C8orf34: variants seen among roughly 807,000 people sequenced by gnomAD.
C8orf34 encodes chromosome 8 open reading frame 34, also known as uncharacterized protein C8orf34.
C8orf34 carries 65 observed loss-of-function variants against 68.3 expected under a neutral mutation model. The ratio of observed to expected loss-of-function variants is 0.95; its 90% confidence interval spans 0.78 to 1.17. The LOEUF (loss-of-function observed/expected upper bound fraction) is 1.17, where lower values mean the gene tolerates loss of function less well. Ranked by LOEUF, C8orf34 falls within the 50% of genes most tolerant of loss-of-function variation. C8orf34 has a pLI of 0.00. For missense variants in C8orf34, 664 were observed against 655.4 expected (o/e 1.01, Z -0.14); for synonymous variants, 244 against 241.2 (o/e 1.01, Z -0.11).
At chr8:68,648,159 C>G (rs540217594) in intron 8 of C8orf34, among the ~76,000 whole-genome samples, 41 of 152,136 alleles carry the variant, frequency 2.7e-4, no homozygotes, top group Non-Finnish European at 4.0e-4. Context: ...TAGAAGATTC[C>G]ACAAATACAG....
rs930151392 is a variant in C8orf34 at position 68,802,624 on chromosome 8, G to C, written c.1550-13262G>C. 2.0e-5 allele frequency among the ~76,000 whole-genome samples: 3 copies of C among 151,812 alleles called. No homozygotes were observed. In the East Asian group the frequency reaches 5.8e-4, roughly 30 times the overall value. Reference sequence around the variant, plus strand: ...CACCATCCTCTCACCTCAGCCTCCCGAGTAGCTGGGACTACAGGGGTATGC... The same window carrying C: ...CACCATCCTCTCACCTCAGCCTCCCCAGTAGCTGGGACTACAGGGGTATGC... On this transcript the variant is annotated intron_variant, in intron 12 of 13. Transcript: ENST00000518698.
rs1005093032 is a variant in C8orf34, at chr8:68,493,261, A to G, written c.765+5210A>G. On this transcript the variant is annotated intron_variant, in intron 5 of 13. Coordinates refer to ENST00000518698, the MANE Select transcript of C8orf34 (RefSeq NM_052958.4). ...AAGAAGTTAGTGTCCAGAATATATG[A>G]ATAACTCCTATAACTCAACAACAAA... 1.3e-4 allele frequency among the ~76,000 whole-genome samples: 19 copies of G among 151,322 alleles called. No homozygotes were observed. The East Asian group carries it at 3.7e-3, about 29-fold the overall frequency.
intron 5 of C8orf34, among the ~76,000 whole-genome samples, chr8:68,495,684 A>C (rs183077383): frequency 1.7e-3 from 259 of 152,364 alleles, no homozygotes; most frequent in Non-Finnish European, 3.3e-3. Flanking sequence ...AAGCACTTGG[A>C]GTTTTATAAA....
intron 10 of C8orf34, among the ~76,000 whole-genome samples, chr8:68,768,606 T>C (rs1407036976): frequency 6.6e-6 from 1 of 152,346 alleles, no homozygotes; most frequent in East Asian, 1.9e-4. Context: ...TCATTTGTTT[T>C]ATTCCATATT....
At position 68,801,752 on chromosome 8, in the gene C8orf34, A is replaced by G. The variant is rs1255411641; in HGVS notation, c.1550-14134A>G. On this transcript the variant is annotated intron_variant, in intron 12 of 13. Transcript: ENST00000518698. ...TTAGGTAATTCTCAGAATCTATCTA[A>G]TGGAAAGAGGAAATACGATGCTTTA... Among the ~76,000 whole-genome samples, 3 of 152,326 alleles carry G rather than the reference A, an allele frequency of 2.0e-5. No individual in the cohort carries two copies. The East Asian group carries it at 5.8e-4, about 29-fold the overall frequency.
chr8:68,735,139 A>G (rs1822087802), intron 10 of C8orf34, among the ~76,000 whole-genome samples: 2 of 152,202 alleles, frequency 1.3e-5, no homozygotes, highest in Non-Finnish European at 1.5e-5. Context: ...TCACATTCCA[A>G]AGCCCTGGTG....
intron 1 of C8orf34, among the ~76,000 whole-genome samples, chr8:68,408,857 C>T (rs183145505): frequency 1.3e-5 from 2 of 152,178 alleles, no homozygotes; most frequent in East Asian, 3.9e-4. Flanking sequence ...GGTGCAATCT[C>T]GGTTCACTGC....
At chr8:68,434,630 G>A (rs1032876303) in intron 1 of C8orf34, among the ~76,000 whole-genome samples, 1 of 152,098 alleles carries the variant, frequency 6.6e-6, no homozygotes, top group African/African-American at 2.4e-5. Context: ...TAAAATAAAA[G>A]TATTTGTTCC....
chr8:68,599,723 G>C (rs1323787068), intron 7 of C8orf34, among the ~76,000 whole-genome samples: 3 of 151,930 alleles, frequency 2.0e-5, no homozygotes, highest in African/African-American at 7.2e-5. Context: ...GCAAGGTTTT[G>C]GAGAAAACAA....
chr8:68,649,823 T>C (rs898167119), intron 8 of C8orf34, among the ~76,000 whole-genome samples: 12 of 152,264 alleles, frequency 7.9e-5, no homozygotes, highest in African/African-American at 2.9e-4. Flanking sequence ...AAATCTCAGC[T>C]TGGCCACTGT....
chr8:68,542,151 C>A (rs1184531813), intron 7 of C8orf34, among the ~76,000 whole-genome samples: 3 of 152,106 alleles, frequency 2.0e-5, no homozygotes, highest in Non-Finnish European at 4.4e-5. Flanking sequence ...TGGTATTGGG[C>A]TTGTAGAAAC....
intron 8 of C8orf34, among the ~76,000 whole-genome samples, chr8:68,686,993 G>A (rs1011953890): frequency 6.6e-5 from 10 of 151,808 alleles, no homozygotes; most frequent in African/African-American, 2.2e-4. Context: ...GAATCAAATC[G>A]AGGACTCAAC....
chr8:68,446,191 C>T, intron 2 of C8orf34, 138 bp from the exon 3 acceptor site: 1 of 655,332 alleles, frequency 1.5e-6, no homozygotes, highest in East Asian at 2.7e-5. Context: ...ACAAGTAATA[C>T]CTTTGCGTGG....
chr8:68,407,213 C>CT (rs11377794), intron 1 of C8orf34, among the ~76,000 whole-genome samples: 7,642 of 146,790 alleles, frequency 0.052, 348 homozygotes, highest in African/African-American at 0.12. Context: ...TCTAAGGTTC[C>CT]TTTTTTTTTT....
intron 12 of C8orf34, among the ~76,000 whole-genome samples, chr8:68,811,508 A>G (rs1824651411): frequency 6.6e-6 from 1 of 152,190 alleles, no homozygotes; most frequent in Non-Finnish European, 1.5e-5. Flanking sequence ...CATGGAGTGC[A>G]CATCCCTGGC....
In C8orf34 at chr8:68,417,351, G is replaced by A. The variant is rs192701129; in HGVS notation, c.328-22148G>A. Among the ~76,000 whole-genome samples the A allele has an allele frequency of 5.2e-3, 792 of 151,974 alleles. 10 individuals carry two copies. The highest frequency in any genetic ancestry group is 0.011 in the East Asian group (57 of 5,158). On this transcript the variant is annotated intron_variant, in intron 1 of 13. Transcript: ENST00000518698. ...TATGCAAAATGGACCATATATTGCC[G>A]TTTGTAATAGCAAATTAGTGCCTAC... is the stretch of plus-strand genomic sequence containing the variant.
chr8:68,552,661 G>A (rs992357944), intron 7 of C8orf34, among the ~76,000 whole-genome samples: 2 of 152,042 alleles, frequency 1.3e-5, no homozygotes. Flanking sequence ...AATTTAGGGG[G>A]AAGCATTGAG....
At chr8:68,397,989 G>T (rs973508180) in intron 1 of C8orf34, among the ~76,000 whole-genome samples, 2 of 151,968 alleles carry the variant, frequency 1.3e-5, no homozygotes, top group Admixed American at 6.6e-5. Context: ...GGCTGGTCTC[G>T]AACTCCTGGC....
intron 7 of C8orf34, among the ~76,000 whole-genome samples, chr8:68,577,815 T>A (rs1816949425): frequency 6.6e-6 from 1 of 151,814 alleles, no homozygotes; most frequent in Admixed American, 6.6e-5. Context: ...AGACAATAAT[T>A]CTAAAAACCT....
Sources: gnomAD v4.1 joint callset for allele counts (sites outside exome capture counted in the v4.1 genomes callset) on GRCh38, gnomAD v4.1.1 for gene constraint, MANE v1.5 for transcripts, NCBI Gene and HGNC (gene_info 2026-07-23, HGNC 2026-07-21) for gene names.